The following COL27A1 variants were observed in gnomAD, a reference collection of about 807,000 sequenced individuals.
The protein encoded by COL27A1 is collagen alpha-1(XXVII) chain.
In COL27A1, 106 loss-of-function variants were observed where a neutral mutation model predicts 251.3. The ratio of observed to expected loss-of-function variants is 0.42; its 90% CI spans 0.36 to 0.50. The LOEUF (loss-of-function observed/expected upper bound fraction) is 0.50, where lower values mean the gene tolerates loss of function less well. Among genes scored for constraint, COL27A1 ranks in the 20% least tolerant of loss-of-function variants. The pLI, the probability that COL27A1 is intolerant of heterozygous loss-of-function variation, is 0.00. For missense variants in COL27A1, 2,325 were observed against 2,522.8 expected (o/e 0.92, Z 1.68); for synonymous variants, 1,000 against 986.3 (o/e 1.01, Z -0.26).
At position 114,309,449 on chromosome 9, in the gene COL27A1, C is replaced by T. The variant is rs145268367; in HGVS notation, c.5407C>T (p.Arg1803Trp). Residue 1803 changes from arginine (R) to tryptophan (W), a missense_variant, in exon 60 of 61, where the codon CGG becomes TGG. By Grantham distance (101) the Arg-to-Trp change is moderately radical. Around this residue, in one of 4 missense-constraint regions of COL27A1, gnomAD observed 327 missense variants for 442.8 expected, o/e 0.74. Transcript: ENST00000356083. ...GATTTTTGAAGCTGGGGGTCAGTTC[C>T]GGCCCGAGGTGTCCATGGATGGCTG... ...GQIFEAGGQF[R>W]PEVSMDGCKV... The T allele has an allele frequency of 2.5e-5, 41 of 1,613,720 alleles. No homozygotes were observed. Among genetic ancestry groups the T allele is most frequent in the Non-Finnish European group, 3.1e-5 (36 of 1,179,948 alleles).
chr9:114,168,102 C>A lies in COL27A1; in HGVS notation c.547C>A (p.Leu183Met). The A allele has an allele frequency of 6.2e-7, 1 of 1,612,118 alleles. No homozygotes were observed. Among genetic ancestry groups the A allele is most frequent in the Non-Finnish European group, 8.5e-7 (1 of 1,180,026 alleles). The stretch of plus-strand genomic sequence containing the variant: ...CGGGCAGCGCCGGGTGCCTGTCCTG[C>A]TGCCTTTCCACAGGGACCCTGCACT... Reference protein sequence around the residue: ...ACGQRRVPVLLPFHRDPALDP... With the variant: ...ACGQRRVPVLMPFHRDPALDP... Residue 183 changes from leucine to methionine, a missense_variant, in exon 3 of 61, where the codon CTG (leucine) becomes ATG (methionine). Coordinates refer to ENST00000356083, the MANE Select transcript of COL27A1 (RefSeq NM_032888.4).
intron 59 of COL27A1, among the ~76,000 whole-genome samples, chr9:114,308,428 T>G (rs1002258341): frequency 5.3e-5 from 8 of 152,200 alleles, no homozygotes; most frequent in Admixed American, 3.9e-4. Flanking sequence ...AGGAGATGCC[T>G]TGTGCTGACT....
chr9:114,198,673 G>A (rs1427509340), intron 7 of COL27A1, among the ~76,000 whole-genome samples: 2 of 152,072 alleles, frequency 1.3e-5, no homozygotes, highest in African/African-American at 4.8e-5. Flanking sequence ...AAACAAGACA[G>A]TGTCCATCTG....
At chr9:114,195,346 TC>T (rs1432750062) in intron 6 of COL27A1, among the ~76,000 whole-genome samples, 6 of 146,708 alleles carry the variant, frequency 4.1e-5, no homozygotes, top group African/African-American at 1.5e-4. Context: ...AGGAGAGTGT[TC>T]CCATATACTA....
intron 37 of COL27A1, among the ~76,000 whole-genome samples, chr9:114,281,814 TG>T (rs1282428411): frequency 1.3e-5 from 2 of 152,176 alleles, no homozygotes; most frequent in African/African-American, 4.8e-5. Context: ...ACTGTATCTT[TG>T]GGAACTTGGC....
intron 14 of COL27A1, among the ~76,000 whole-genome samples, chr9:114,228,826 C>T (rs188594317): frequency 1.5e-4 from 23 of 152,154 alleles, no homozygotes; most frequent in Non-Finnish European, 2.4e-4. Context: ...TTCTTTCTCT[C>T]TCTTTTTTTT....
At chr9:114,217,605 C>A (rs1317962627) in intron 12 of COL27A1, among the ~76,000 whole-genome samples, 1 of 152,218 alleles carries the variant, frequency 6.6e-6, no homozygotes, top group South Asian at 2.1e-4. Context: ...AGACAGCCAG[C>A]CTAGAGGAGA....
chr9:114,179,776 G>C (rs1588599230), intron 4 of COL27A1, among the ~76,000 whole-genome samples: 1 of 149,050 alleles, frequency 6.7e-6, no homozygotes, highest in African/African-American at 2.5e-5. Flanking sequence ...AAGTCAAAGA[G>C]AGTAAATGGC....
chr9:114,253,517 AAGAACAGAAG>A (rs749213798), intron 27 of COL27A1, among the ~76,000 whole-genome samples: 5 of 151,836 alleles, frequency 3.3e-5, no homozygotes, highest in African/African-American at 4.8e-5. Context: ...GGAAGAACAG[AAGAACAGAAG>A]AGAAGAGAAG....
intron 37 of COL27A1, among the ~76,000 whole-genome samples, chr9:114,278,268 G>A (rs993343145): frequency 1.4e-5 from 2 of 144,916 alleles, no homozygotes; most frequent in Admixed American, 7.0e-5. Flanking sequence ...TGGTGATGAT[G>A]ATGAAGATGA....
Position 114,167,674 on chromosome 9 carries a change from T to C in COL27A1, c.134-15T>C. The C allele has an allele frequency of 6.3e-7, 1 of 1,597,328 alleles. No individual in the cohort carries two copies. Among genetic ancestry groups the C allele is most frequent in the South Asian group, 1.1e-5 (1 of 88,732 alleles). On this transcript the variant is annotated splice_polypyrimidine_tract_variant and intron_variant, in intron 2 of 60. Transcript: ENST00000356083. ...GGCCCTGACTGCGTCCTCTCCCCTT[T>C]TCCCTCCCTCTCAGATGTGGACATC... is the stretch of plus-strand genomic sequence containing the variant.
At chr9:114,206,021 T>A (rs576719386) in intron 9 of COL27A1, among the ~76,000 whole-genome samples, 1 of 152,266 alleles carries the variant, frequency 6.6e-6, no homozygotes, top group South Asian at 2.1e-4. Context: ...GAGGTCTGGT[T>A]CTGCGGGGCT....
chr9:114,211,412 C>T (rs562665817), intron 12 of COL27A1, among the ~76,000 whole-genome samples: 2 of 152,324 alleles, frequency 1.3e-5, no homozygotes, highest in South Asian at 2.1e-4. Flanking sequence ...GTCTCCACAT[C>T]GTCTTGGTGT....
chr9:114,186,575 C>T lies in COL27A1; in HGVS notation c.2016+3500C>T, dbSNP rs545438135. Among the ~76,000 whole-genome samples the T allele has an allele frequency of 2.0e-5, 3 of 152,308 alleles. No homozygotes were observed. The South Asian group carries it at 6.2e-4, about 32-fold the overall frequency. On this transcript the variant is annotated intron_variant, in intron 5 of 60. Transcript: ENST00000356083. ...TAGTCCGGGAGGTGAGGGACACCTT[C>T]TCAGAGGGCAGGAAGGTTGAACCAA...
At chr9:114,279,719 G>T (rs1835786642) in intron 37 of COL27A1, among the ~76,000 whole-genome samples, 1 of 151,990 alleles carries the variant, frequency 6.6e-6, no homozygotes, top group Admixed American at 6.6e-5. Flanking sequence ...TGGGCGTGGT[G>T]GTGCATGCCT....
chr9:114,258,734 C>A, intron 28 of COL27A1, 140 bp downstream of exon 28: 1 of 845,704 alleles, frequency 1.2e-6, no homozygotes, highest in Non-Finnish European at 1.9e-6. Context: ...AGGCAAGGTT[C>A]TAGGCTCACC....
At chr9:114,184,936 C>G (rs943395779) in intron 5 of COL27A1, among the ~76,000 whole-genome samples, 1 of 152,180 alleles carries the variant, frequency 6.6e-6, no homozygotes. Context: ...CCTTCCTGGC[C>G]TGCTCTGGGA....
chr9:114,232,115 G>A (rs1308673858), intron 16 of COL27A1, among the ~76,000 whole-genome samples: 3 of 152,178 alleles, frequency 2.0e-5, no homozygotes, highest in African/African-American at 7.2e-5. Flanking sequence ...AAGGAGGGCA[G>A]GTATGTCAAG....
chr9:114,266,949 C>A (rs948639811), intron 33 of COL27A1, among the ~76,000 whole-genome samples: 3 of 152,130 alleles, frequency 2.0e-5, no homozygotes, highest in Non-Finnish European at 2.9e-5. Flanking sequence ...TTTGCCCCAG[C>A]AGAGGTTTGA....
Sources: allele counts gnomAD v4.1 joint callset (sites outside exome capture counted in the v4.1 genomes callset), GRCh38; gene constraint gnomAD v4.1.1; regional missense constraint gnomAD v4.1.1; transcripts MANE v1.5; gene names NCBI Gene and HGNC (gene_info 2026-07-23, HGNC 2026-07-21).